The following GLMP variants were observed in gnomAD, a reference collection of about 807,000 sequenced individuals.
The protein encoded by GLMP is glycosylated lysosomal membrane protein.
A neutral mutation model predicts 39.2 loss-of-function variants in GLMP; 36 were observed. The observed-to-expected ratio is 0.92, with a 90% CI of 0.70 to 1.21. The LOEUF is 1.21. GLMP is among the 50% of genes most tolerant of loss of function. The pLI is 0.00. For synonymous variants in GLMP, 220 were observed against 218.9 expected, an observed-to-expected ratio of 1.01 and a Z score of -0.04; for missense variants, 454 against 505.6, an observed-to-expected ratio of 0.90 and a Z score of 0.98.
At position 156,293,165 on chromosome 1, in the gene GLMP, G is replaced by A; in HGVS notation, c.1100C>T (p.Ser367Phe). ...GVGFPPVDGL[S>F]PLVLGIMAVA... ...TGCCATGATGCCCAGGACTAGTGGGGACAAGCCGTCCACTGGAGGGAAGCC... is the reference window on the plus strand; with the variant it reads ...TGCCATGATGCCCAGGACTAGTGGGAACAAGCCGTCCACTGGAGGGAAGCC... The change falls in exon 6 of 6, where the codon TCC becomes TTC. Residue 367 changes from serine to phenylalanine, a missense_variant. By Grantham distance (155) the Ser-to-Phe change is radical. Transcript: ENST00000362007. 2 of 1,614,004 alleles carry A rather than the reference G, an allele frequency of 1.2e-6. No individual in the cohort carries two copies. The highest frequency in any genetic ancestry group is 1.3e-5 in the African/African-American group (1 of 75,014).
At position 156,294,883 on chromosome 1, in the gene GLMP, G is replaced by T. The variant is rs1332858620; in HGVS notation, c.254C>A (p.Thr85Asn). The T allele has an allele frequency of 6.2e-7, 1 of 1,612,834 alleles. No individual in the cohort carries two copies. The highest frequency in any genetic ancestry group is 1.7e-5 in the Admixed American group (1 of 59,834). ...LGPLAVVMVATNTPHSTLSVN... is the reference protein window; with the variant it reads ...LGPLAVVMVANNTPHSTLSVN... ...GCTCAGGGTGCTGTGGGGGGTGTTG[G>T]TGGCCACCATTACCACTGCCAGAGG... The change falls in exon 2 of 6, where the codon ACC (threonine) becomes AAC (asparagine). Residue 85 changes from threonine (T) to asparagine (N), a missense_variant. By Grantham distance (65) the Thr-to-Asn change is moderately conservative. Coordinates refer to ENST00000362007, the MANE Select transcript of GLMP (RefSeq NM_144580.3).
Position 156,295,662 on chromosome 1 carries a change from C to T in GLMP, c.-17G>A, listed in dbSNP as rs779230712. The T allele has an allele frequency of 9.7e-6, 15 of 1,547,578 alleles. No individual in the cohort carries two copies. The highest frequency in any genetic ancestry group is 3.6e-5 in the South Asian group (3 of 84,094). ...GCCGCGCATACGGCCGCAATTCAGC[C>T]GACGGAAGAGGTGCCAGAGGGTCAC... On this transcript the variant is annotated 5_prime_UTR_variant, in exon 1 of 6. Transcript: ENST00000362007.
rs762560116 is a variant in GLMP at position 156,294,104 on chromosome 1, C to A, written c.712G>T (p.Val238Leu). ...RGNRSLFGLE[V>L]ATLGQGPDCP... ...TCAGGGCCCTGGCCCAATGTGGCTACCTCCAGCCCAAACAGGGAACGGTTT... is the reference window on the plus strand; with the variant it reads ...TCAGGGCCCTGGCCCAATGTGGCTAACTCCAGCCCAAACAGGGAACGGTTT... Residue 238 changes from valine to leucine, a missense_variant, in exon 4 of 6, where the codon GTA becomes TTA. Coordinates refer to ENST00000362007, the MANE Select transcript of GLMP (RefSeq NM_144580.3). The A allele has an allele frequency of 6.2e-7, 1 of 1,614,144 alleles. No individual in the cohort carries two copies. The highest frequency in any genetic ancestry group is 1.1e-5 in the South Asian group (1 of 91,080).
In GLMP at chr1:156,294,405, T is replaced by C; in HGVS notation, c.539A>G (p.Asp180Gly). 1 of 1,614,092 alleles carries C rather than the reference T, an allele frequency of 6.2e-7. No homozygotes were observed. Among genetic ancestry groups the C allele is most frequent in the Non-Finnish European group, 8.5e-7 (1 of 1,180,006 alleles). ...SATFQGHPMN[D>G]PTRTFANGSL... The stretch of plus-strand genomic sequence containing the variant: ...GCCATTGGCAAAAGTCCTGGTAGGG[T>C]CGTTCATGGGGTGGCCTTGAAATGT... Residue 180 changes from aspartate (D) to glycine (G), a missense_variant, in exon 3 of 6, where the codon GAC (aspartate) becomes GGC (glycine). By Grantham distance (94) the Asp-to-Gly change is moderately conservative. Coordinates refer to ENST00000362007, the MANE Select transcript of GLMP (RefSeq NM_144580.3).
At position 156,293,034 on chromosome 1, in the gene GLMP, A is replaced by G. The variant is rs1257158090; in HGVS notation, c.*10T>C. Reference sequence around the variant, plus strand: ...GGTTCAGTAATGTCCTTCCCTCCAGAGAGCGGGCCTTAATTTATGGACTGG... The same window carrying G: ...GGTTCAGTAATGTCCTTCCCTCCAGGGAGCGGGCCTTAATTTATGGACTGG... On this transcript the variant is annotated 3_prime_UTR_variant, in exon 6 of 6. Transcript: ENST00000362007. The G allele has an allele frequency of 3.7e-6, 6 of 1,613,538 alleles. No individual in the cohort carries two copies. Among genetic ancestry groups the G allele is most frequent in the Non-Finnish European group, 4.2e-6 (5 of 1,179,824 alleles).
rs201563954 is a variant in GLMP at position 156,293,530 on chromosome 1, C to T, written c.845G>A (p.Trp282Ter). ...CTTCTGGGAGTAAGCCACTGGTCGC[C>T]ACTGTGCAAAGCCTGATGGGAGGGA... ...WGSLPSGFAQ[W>*]RPVAYSQKPG... The change falls in exon 5 of 6, where the codon TGG becomes TAG. Residue 282 changes from tryptophan to a stop codon, truncating the protein, a stop_gained. Transcript: ENST00000362007. LOFTEE classifies it high-confidence loss of function. 6 of 1,614,060 alleles carry T rather than the reference C, an allele frequency of 3.7e-6. No homozygotes were observed. The highest frequency in any genetic ancestry group is 1.3e-5 in the African/African-American group (1 of 74,922).
At chr1:156,293,852 G>C (rs1663474461) in intron 4 of GLMP, 166 bp downstream of exon 4, 2 of 1,191,714 alleles carry the variant, frequency 1.7e-6, no homozygotes, top group East Asian at 4.9e-5. Flanking sequence ...CTTTCTGTCT[G>C]TCTCCACTGA....
Position 156,293,373 on chromosome 1 carries a change from C to A in GLMP, c.1002G>T (p.Leu334=). Residue 334 remains leucine, a synonymous_variant, in exon 5 of 6, where the codon CTG becomes CTT. Coordinates refer to ENST00000362007, the MANE Select transcript of GLMP (RefSeq NM_144580.3). ...GSQNNFCAFN[L]TFGASTGPGY... ...CAGGGCCTGTGGAAGCCCCGAACGTCAGATTGAAGGCACAGAAGTTATTCT... is the reference window on the plus strand; with the variant it reads ...CAGGGCCTGTGGAAGCCCCGAACGTAAGATTGAAGGCACAGAAGTTATTCT... 6.2e-7 allele frequency: 1 copy of A among 1,614,200 alleles called. No individual in the cohort carries two copies. The highest frequency in any genetic ancestry group is 8.5e-7 in the Non-Finnish European group (1 of 1,180,038).
chr1:156,292,749 C>G lies in GLMP; in HGVS notation c.*295G>C. ...CAGGGCAGCCAACCAGTCAGAATGCCTCTCATTTAGGCCTGCAAGTCCCAT... is the reference window on the plus strand; with the variant it reads ...CAGGGCAGCCAACCAGTCAGAATGCGTCTCATTTAGGCCTGCAAGTCCCAT... On this transcript the variant is annotated 3_prime_UTR_variant, in exon 6 of 6. Coordinates refer to ENST00000362007, the MANE Select transcript of GLMP (RefSeq NM_144580.3). 1 of 393,766 alleles carries G rather than the reference C, an allele frequency of 2.5e-6. No individual in the cohort carries two copies. The highest frequency in any genetic ancestry group is 4.5e-6 in the Non-Finnish European group (1 of 221,680). The allele number at this position is 393,766 out of a possible 1,614,324, so 24.4% of individuals were successfully genotyped here.
Position 156,292,858 on chromosome 1 carries a change from C to T in GLMP, c.*186G>A. 2 of 706,770 alleles carry T rather than the reference C, an allele frequency of 2.8e-6. No individual in the cohort carries two copies. Among genetic ancestry groups the T allele is most frequent in the Non-Finnish European group, 4.6e-6 (2 of 438,024 alleles). 43.8% of individuals were successfully genotyped at this position (706,770 alleles called of 1,614,324 possible). On this transcript the variant is annotated 3_prime_UTR_variant, in exon 6 of 6. Transcript: ENST00000362007. The stretch of plus-strand genomic sequence containing the variant: ...CTGTCCCCTGCCCGCCTCCAAAGTC[C>T]CCCAACAAAGTATGAAGGAAGCCCC...
rs1663511661 is a variant in GLMP at position 156,294,385 on chromosome 1, T to A, written c.559A>T (p.Asn187Tyr). The A allele has an allele frequency of 6.2e-7, 1 of 1,614,170 alleles. No homozygotes were observed. The highest frequency in any genetic ancestry group is 1.1e-5 in the South Asian group (1 of 91,082). ...PMNDPTRTFA[N>Y]GSLAFRVQAF... is the part of the protein sequence containing the mutation. Reference sequence around the variant, plus strand: ...CTTACCCTGAAGGCCAGGCTGCCATTGGCAAAAGTCCTGGTAGGGTCGTTC... The same window carrying A: ...CTTACCCTGAAGGCCAGGCTGCCATAGGCAAAAGTCCTGGTAGGGTCGTTC... The change falls in exon 3 of 6, where the codon AAT (asparagine) becomes TAT (tyrosine). Residue 187 changes from asparagine to tyrosine, a missense_variant. Asn to Tyr is a moderately radical substitution (Grantham distance 143). Transcript: ENST00000362007.
Position 156,294,982 on chromosome 1 carries a change from G to A in GLMP, c.155C>T (p.Pro52Leu), listed in dbSNP as rs1253709628. 1.3e-6 allele frequency: 2 copies of A among 1,587,276 alleles called. No homozygotes were observed. Among genetic ancestry groups the A allele is most frequent in the Non-Finnish European group, 1.7e-6 (2 of 1,162,228 alleles). ...CCGTATATGAAGCAGGTTCTGCAGGGGGCCCAGCCAGTTAGGGATGACCTC... is the reference window on the plus strand; with the variant it reads ...CCGTATATGAAGCAGGTTCTGCAGGAGGCCCAGCCAGTTAGGGATGACCTC... ...SLEVIPNWLG[P>L]LQNLLHIRAV... Residue 52 changes from proline to leucine, a missense_variant, in exon 2 of 6, where the codon CCC becomes CTC. Transcript: ENST00000362007.
At position 156,294,071 on chromosome 1, in the gene GLMP, A is replaced by C. The variant is rs1410729663; in HGVS notation, c.745T>G (p.Ser249Ala). 4.3e-6 allele frequency: 7 copies of C among 1,613,908 alleles called. No homozygotes were observed. Among genetic ancestry groups the C allele is most frequent in the Non-Finnish European group, 5.9e-6 (7 of 1,180,036 alleles). Residue 249 changes from serine to alanine, a missense_variant, in exon 4 of 6, where the codon TCA (serine) becomes GCA (alanine). By Grantham distance (99) the Ser-to-Ala change is moderately conservative. Coordinates refer to ENST00000362007, the MANE Select transcript of GLMP (RefSeq NM_144580.3). ...ATLGQGPDCP[S>A]MQEQHSIDDE... ...TCGATGGAGTGCTGCTCCTGCATTG[A>C]GGGGCAGTCAGGGCCCTGGCCCAAT... is the stretch of plus-strand genomic sequence containing the variant.
rs1163882377 is a variant in GLMP at position 156,293,133 on chromosome 1, G to C, written c.1132C>G (p.Leu378Val). 2 of 1,613,996 alleles carry C rather than the reference G, an allele frequency of 1.2e-6. No homozygotes were observed. Among genetic ancestry groups the C allele is most frequent in the Non-Finnish European group, 8.5e-7 (1 of 1,180,004 alleles). ...PLVLGIMAVA[L>V]GAPGLMLLGG... ...AGCAGCATGAGCCCTGGGGCACCCA[G>C]GGCCACTGCCATGATGCCCAGGACT... The change falls in exon 6 of 6, where the codon CTG becomes GTG. Residue 378 changes from leucine (L) to valine (V), a missense_variant. By Grantham distance (32) the Leu-to-Val change is conservative. Transcript: ENST00000362007.
At position 156,293,424 on chromosome 1, in the gene GLMP, G is replaced by A. The variant is rs1663441578; in HGVS notation, c.951C>T (p.Pro317=). ...GGGACCCAAAGAAGGCTCGGACAAT[G>A]GGTGACTGGGGAAGAGAGTATGCTA... ...PALAYSLPQS[P]IVRAFFGSQN... is the part of the protein sequence containing the mutation. The change falls in exon 5 of 6, where the codon CCC becomes CCT. Residue 317 remains proline (P), a synonymous_variant. Transcript: ENST00000362007. 2.5e-6 allele frequency: 4 copies of A among 1,614,206 alleles called. No homozygotes were observed. In the East Asian group the frequency reaches 8.9e-5, roughly 36 times the overall value.
Position 156,294,130 on chromosome 1 carries a change from C to T in GLMP, c.686G>A (p.Gly229Glu), listed in dbSNP as rs1663492350. ...CTCCAGCCCAAACAGGGAACGGTTT[C>T]CCCGGGGAGAGGCTCCAATCAGGGC... is the stretch of plus-strand genomic sequence containing the variant. ...EVALIGASPR[G>E]NRSLFGLEVA... The change falls in exon 4 of 6, where the codon GGA becomes GAA. Residue 229 changes from glycine (G) to glutamate (E), a missense_variant. Transcript: ENST00000362007. 1 of 1,614,172 alleles carries T rather than the reference C, an allele frequency of 6.2e-7. No homozygotes were observed. Among genetic ancestry groups the T allele is most frequent in the East Asian group, 2.2e-5 (1 of 44,874 alleles).
intron 4 of GLMP, 129 bp from the exon 5 acceptor site, chr1:156,293,705 C>G (rs1003646472): frequency 1.1e-5 from 17 of 1,554,190 alleles, no homozygotes; most frequent in Non-Finnish European, 1.5e-5. Context: ...GGCCTCAATC[C>G]CTCCTCTGTA....
Position 156,293,031 on chromosome 1 carries a change from C to T in GLMP, c.*13G>A, listed in dbSNP as rs1200519696. The stretch of plus-strand genomic sequence containing the variant: ...ACAGGTTCAGTAATGTCCTTCCCTC[C>T]AGAGAGCGGGCCTTAATTTATGGAC... On this transcript the variant is annotated 3_prime_UTR_variant, in exon 6 of 6. Transcript: ENST00000362007. The T allele has an allele frequency of 6.2e-7, 1 of 1,613,642 alleles. No homozygotes were observed. Among genetic ancestry groups the T allele is most frequent in the African/African-American group, 1.3e-5 (1 of 75,032 alleles).
Position 156,292,980 on chromosome 1 carries a change from C to T in GLMP, c.*64G>A. On this transcript the variant is annotated 3_prime_UTR_variant, in exon 6 of 6. Coordinates refer to ENST00000362007, the MANE Select transcript of GLMP (RefSeq NM_144580.3). ...GGCCGGCTGGAACTTGATGCTCCAA[C>T]CTCCAGAGTTTCGAGGCACAGCAAG... 1 of 1,558,308 alleles carries T rather than the reference C, an allele frequency of 6.4e-7. No individual in the cohort carries two copies. The highest frequency in any genetic ancestry group is 8.7e-7 in the Non-Finnish European group (1 of 1,147,214).
Sources: allele counts gnomAD v4.1 joint callset, GRCh38; gene constraint gnomAD v4.1.1; transcripts MANE v1.5; gene names NCBI Gene and HGNC (gene_info 2026-07-23, HGNC 2026-07-21).